NUFIP2: variants seen among roughly 807,000 people sequenced by gnomAD.
The protein encoded by NUFIP2 is nuclear FMR1 interacting protein 2.
A neutral mutation model predicts 56.9 loss-of-function variants in NUFIP2; 6 were observed. That is an observed-to-expected ratio of 0.11 (90% CI 0.06 to 0.21). The LOEUF (loss-of-function observed/expected upper bound fraction) is 0.21, where lower values mean the gene tolerates loss of function less well. Ranked by LOEUF, NUFIP2 falls within the 10% of genes least tolerant of loss-of-function variation. NUFIP2 has a pLI of 1.00. For missense variants in NUFIP2, 828 were observed against 826.8 expected, an observed-to-expected ratio of 1.00 and a Z score of -0.02; for synonymous variants, 321 against 298.2, an observed-to-expected ratio of 1.08 and a Z score of -0.79.
intron 1 of NUFIP2, among the ~76,000 whole-genome samples, chr17:29,291,173 AT>A (rs1195911531): frequency 6.6e-6 from 1 of 152,174 alleles, no homozygotes; most frequent in Non-Finnish European, 1.5e-5. Context: ...AAATGTAAAC[AT>A]TATAGAATAA....
In NUFIP2 at chr17:29,261,962, C is replaced by CA. The variant is rs1348193377; in HGVS notation, c.*2576dup. 6.6e-6 allele frequency: 1 copy of CA among 152,348 alleles called. No homozygotes were observed. Among genetic ancestry groups the CA allele is most frequent in the African/African-American group, 2.4e-5 (1 of 41,404 alleles). The allele number at this position is 152,348 out of a possible 1,614,324, so 9.4% of individuals were successfully genotyped here. A position where few individuals can be genotyped will look rare whatever the true frequency, so the allele number is the denominator to read the frequency against. ...AGACTCTCAAAAACCTTTGGACAGACAGAGAAGTGATACATTCTTTTTGGC... is the reference window on the plus strand; with the variant it reads ...AGACTCTCAAAAACCTTTGGACAGACAAGAGAAGTGATACATTCTTTTTGGC... On this transcript the variant is annotated 3_prime_UTR_variant, in exon 4 of 4. Coordinates refer to ENST00000225388, the MANE Select transcript of NUFIP2 (RefSeq NM_020772.3).
rs747911926 is a variant in NUFIP2, at chr17:29,287,692, G to A, written c.302C>T (p.Ala101Val). ...CTTTAAAGATATTTCTCTTTCTCCA[G>A]CATTACCGTTTAGTTCACCATAGCC... ...KTGYGELNGN[A>V]GEREISLKNL... Residue 101 changes from alanine to valine, a missense_variant, in exon 2 of 4, where the codon GCT becomes GTT. Transcript: ENST00000225388. 18 of 1,609,200 alleles carry A rather than the reference G, an allele frequency of 1.1e-5. No homozygotes were observed. In the South Asian group the frequency reaches 2.0e-4, roughly 18 times the overall value.
chr17:29,261,207 A>G lies in NUFIP2; in HGVS notation c.*3332T>C, dbSNP rs1396346569. On this transcript the variant is annotated 3_prime_UTR_variant, in exon 4 of 4. Transcript: ENST00000225388. ...ATTAGTATCTTCATAGCTATTAAAA[A>G]AATAGGTCATAATTTCATTCTTAGT... is the stretch of plus-strand genomic sequence containing the variant. 6 of 152,172 alleles carry G rather than the reference A, an allele frequency of 3.9e-5. No individual in the cohort carries two copies. The highest frequency in any genetic ancestry group is 2.6e-4 in the Admixed American group (4 of 15,270). The allele number at this position is 152,172 out of a possible 1,614,324, so 9.4% of individuals were successfully genotyped here.
At chr17:29,264,689 AT>A in intron 3 of NUFIP2, 98 bp from the exon 4 acceptor site, 7 of 710,904 alleles carry the variant, frequency 9.8e-6, no homozygotes, top group Middle Eastern at 3.6e-4. Flanking sequence ...AAACTGACCA[AT>A]TTTTTTATGA....
chr17:29,289,826 G>A (rs750747253), intron 1 of NUFIP2, among the ~76,000 whole-genome samples: 2 of 152,242 alleles, frequency 1.3e-5, no homozygotes, highest in South Asian at 2.1e-4. Context: ...TTCTTCTCCT[G>A]TATTAAAGTA....
chr17:29,293,763 A>G lies in NUFIP2; in HGVS notation c.277+20T>C. 2.2e-6 allele frequency: 1 copy of G among 457,090 alleles called. No homozygotes were observed. The highest frequency in any genetic ancestry group is 5.0e-5 in the African/African-American group (1 of 19,912). 28.3% of individuals were successfully genotyped at this position (457,090 alleles called of 1,614,324 possible). A position where few individuals can be genotyped will look rare whatever the true frequency, so the allele number is the denominator to read the frequency against. On this transcript the variant is annotated intron_variant, in intron 1 of 3. Transcript: ENST00000225388. ...CCTCCACCCCCAACCCCCTTCCCCC[A>G]CCCGTCCTCCCTCCCAGACCTGTTT...
rs1598427506 is a variant in NUFIP2 at position 29,259,586 on chromosome 17, A to G, written c.*4953T>C. 3 of 47,012 alleles carry G rather than the reference A, an allele frequency of 6.4e-5. No homozygotes were observed. The highest frequency in any genetic ancestry group is 7.2e-5 in the African/African-American group (1 of 13,840). The allele number at this position is 47,012 out of a possible 1,614,324, so 2.9% of individuals were successfully genotyped here. Reference sequence around the variant, plus strand: ...CAGACAGTCCGTCTCAAAAAAAAAAAGGTGGGGGGGGGGGGGATACTGCAG... The same window carrying G: ...CAGACAGTCCGTCTCAAAAAAAAAAGGGTGGGGGGGGGGGGGATACTGCAG... On this transcript the variant is annotated 3_prime_UTR_variant, in exon 4 of 4. Transcript: ENST00000225388.
chr17:29,278,551 A>G (rs1337937096), intron 2 of NUFIP2, among the ~76,000 whole-genome samples: 1 of 151,104 alleles, frequency 6.6e-6, no homozygotes, highest in Non-Finnish European at 1.5e-5. Flanking sequence ...CCGGCCCCCC[A>G]TGTGCTTTAT....
chr17:29,292,527 G>T (rs1405555751), intron 1 of NUFIP2, among the ~76,000 whole-genome samples: 1 of 151,408 alleles, frequency 6.6e-6, no homozygotes, highest in African/African-American at 2.4e-5. Context: ...AGAGAAACTC[G>T]TGACCGGGGA....
chr17:29,270,730 A>T (rs954322303), intron 2 of NUFIP2, among the ~76,000 whole-genome samples: 1 of 152,194 alleles, frequency 6.6e-6, no homozygotes, highest in African/African-American at 2.4e-5. Context: ...CTGTAATCCC[A>T]GTACTTTGGG....
intron 1 of NUFIP2, among the ~76,000 whole-genome samples, chr17:29,292,809 C>T (rs1047588384): frequency 3.4e-5 from 5 of 149,072 alleles, no homozygotes; most frequent in Non-Finnish European, 1.5e-5. Context: ...ACCCCAACCG[C>T]CCCCGCCCCT....
intron 1 of NUFIP2, among the ~76,000 whole-genome samples, chr17:29,291,035 C>CAAAAAAA (rs60000691): frequency 2.5e-4 from 18 of 72,400 alleles, no homozygotes; most frequent in African/African-American, 6.2e-4. Flanking sequence ...GTTTTAATAA[C>CAAAAAAA]AAAAAAAAAA....
rs1402553647 is a variant in NUFIP2, at chr17:29,263,869, C to T, written c.*670G>A. ...GTAGAACTTCAATGCCCTCCCCTAT[C>T]CCCGCCCCACAAAAAATAAATGGAA... is the stretch of plus-strand genomic sequence containing the variant. On this transcript the variant is annotated 3_prime_UTR_variant, in exon 4 of 4. Transcript: ENST00000225388. 2.0e-5 allele frequency: 3 copies of T among 152,486 alleles called. No homozygotes were observed. The highest frequency in any genetic ancestry group is 2.9e-5 in the Non-Finnish European group (2 of 68,004). The allele number at this position is 152,486 out of a possible 1,614,324, so 9.4% of individuals were successfully genotyped here. A position where few individuals can be genotyped will look rare whatever the true frequency, so the allele number is the denominator to read the frequency against.
At chr17:29,277,562 A>G (rs1277473047) in intron 2 of NUFIP2, among the ~76,000 whole-genome samples, 1 of 152,014 alleles carries the variant, frequency 6.6e-6, no homozygotes. Context: ...AGATTTGCCC[A>G]TTTTTTGGAT....
At chr17:29,291,943 G>GT (rs2069216384) in intron 1 of NUFIP2, among the ~76,000 whole-genome samples, 1 of 152,122 alleles carries the variant, frequency 6.6e-6, no homozygotes, top group Non-Finnish European at 1.5e-5. Flanking sequence ...AAAGCACTTA[G>GT]TATTTCTCCA....
At chr17:29,275,082 G>A (rs957542960) in intron 2 of NUFIP2, among the ~76,000 whole-genome samples, 2 of 151,556 alleles carry the variant, frequency 1.3e-5, no homozygotes, top group African/African-American at 2.4e-5. Flanking sequence ...TGGAATGCTC[G>A]ATCTCGGCTC....
chr17:29,289,776 A>T (rs1473685165), intron 1 of NUFIP2, among the ~76,000 whole-genome samples: 1 of 152,332 alleles, frequency 6.6e-6, no homozygotes, highest in East Asian at 1.9e-4. Context: ...TACATTAGAA[A>T]AAAAAGTACA....
chr17:29,273,914 T>C (rs1240174300), intron 2 of NUFIP2, among the ~76,000 whole-genome samples: 1 of 151,968 alleles, frequency 6.6e-6, no homozygotes, highest in African/African-American at 2.4e-5. Context: ...TGTCCAGTTT[T>C]CCACAAGTTC....
intron 2 of NUFIP2, among the ~76,000 whole-genome samples, chr17:29,269,155 G>T (rs2069056746): frequency 6.6e-6 from 1 of 152,134 alleles, no homozygotes; most frequent in Non-Finnish European, 1.5e-5. Flanking sequence ...TAACAAAAAT[G>T]AACTATAACA....
Sources: gnomAD v4.1 joint callset for allele counts (sites outside exome capture counted in the v4.1 genomes callset) on GRCh38, gnomAD v4.1.1 for gene constraint, MANE v1.5 for transcripts, NCBI Gene and HGNC (gene_info 2026-07-23, HGNC 2026-07-21) for gene names.